The following DAB1 variants were observed in gnomAD, a reference collection of about 807,000 sequenced individuals.
DAB1 encodes DAB adaptor protein 1, also known as disabled homolog 1.
Under a neutral mutation model 64.6 loss-of-function variants are expected in DAB1, and 15 were observed. The observed-to-expected ratio is 0.23, with a 90% CI of 0.16 to 0.36. The LOEUF (loss-of-function observed/expected upper bound fraction) is 0.36, where lower values mean the gene tolerates loss of function less well. Ranked by LOEUF, DAB1 falls within the 10% of genes least tolerant of loss-of-function variation. The pLI, the probability that DAB1 is intolerant of heterozygous loss-of-function variation, is 1.00. For synonymous variants in DAB1, 235 were observed against 251.9 expected, an observed-to-expected ratio of 0.93 and a Z score of 0.64; for missense variants, 596 against 706.7, an observed-to-expected ratio of 0.84 and a Z score of 1.78.
chr1:57,744,619 T>A (rs1648174097), intron 6 of DAB1, among the ~76,000 whole-genome samples: 2 of 151,874 alleles, frequency 1.3e-5, no homozygotes, highest in African/African-American at 2.4e-5. Flanking sequence ...ATATTGGGGG[T>A]CTGGATTCCG....
chr1:58,425,063 T>G (rs11800348), intron 3 of DAB1, among the ~76,000 whole-genome samples: 44,632 of 152,086 alleles, frequency 0.29, 7,028 homozygotes, highest in African/African-American at 0.36. Flanking sequence ...AGCCCCTCTG[T>G]TTTCAGATAT....
At chr1:57,841,678 C>T (rs1653056425) in intron 1 of DAB1, among the ~76,000 whole-genome samples, 1 of 152,218 alleles carries the variant, frequency 6.6e-6, no homozygotes, top group Non-Finnish European at 1.5e-5. Flanking sequence ...GCTGGAGTGG[C>T]TGGAATGCAG....
chr1:58,453,569 C>T (rs1478247044), intron 3 of DAB1, among the ~76,000 whole-genome samples: 2 of 152,102 alleles, frequency 1.3e-5, no homozygotes, highest in South Asian at 2.1e-4. Flanking sequence ...CCAGGTGGCC[C>T]GTGACCCGAG....
chr1:57,901,517 A>T (rs1485357007), intron 5 of DAB1, among the ~76,000 whole-genome samples: 1 of 151,984 alleles, frequency 6.6e-6, no homozygotes, highest in Non-Finnish European at 1.5e-5. Flanking sequence ...CTACACTAAT[A>T]ATAGCCCCTC....
At chr1:58,361,973 T>C (rs1011921970) in intron 3 of DAB1, among the ~76,000 whole-genome samples, 2 of 147,552 alleles carry the variant, frequency 1.4e-5, no homozygotes, top group East Asian at 4.2e-4. Flanking sequence ...CCAGCAATTC[T>C]CCTACCTCGG....
rs576799662 is a variant in DAB1 at position 56,996,242 on chromosome 1, A to T, written c.*1902T>A. ...TATTCAAATCAATTGTCTCAATGGA[A>T]ATTCTACTTTTCAAATCTAAAAACC... On this transcript the variant is annotated 3_prime_UTR_variant, in exon 15 of 15. Transcript: ENST00000371236. 2 of 152,334 alleles carry T rather than the reference A, an allele frequency of 1.3e-5. No individual in the cohort carries two copies. Among genetic ancestry groups the T allele is most frequent in the Non-Finnish European group, 2.9e-5 (2 of 68,032 alleles). The allele number at this position is 152,334 out of a possible 1,614,324, so 9.4% of individuals were successfully genotyped here.
intron 4 of DAB1, among the ~76,000 whole-genome samples, chr1:58,309,547 C>T (rs1662381568): frequency 6.6e-6 from 1 of 152,132 alleles, no homozygotes; most frequent in Non-Finnish European, 1.5e-5. Context: ...GTAACTTGTC[C>T]CAGATACATA....
chr1:57,333,018 C>T (rs1024320938), intron 1 of DAB1, among the ~76,000 whole-genome samples: 6 of 152,134 alleles, frequency 3.9e-5, no homozygotes, highest in Non-Finnish European at 7.4e-5. Flanking sequence ...TTTCCCATCC[C>T]GTAGATCCTA....
chr1:58,229,394 T>C (rs1046233318), intron 4 of DAB1, among the ~76,000 whole-genome samples: 2 of 152,198 alleles, frequency 1.3e-5, no homozygotes, highest in African/African-American at 2.4e-5. Context: ...TGGGAAGAGA[T>C]GCATTCACTC....
At chr1:57,769,772 G>A (rs181228614) in intron 6 of DAB1, among the ~76,000 whole-genome samples, 8 of 152,272 alleles carry the variant, frequency 5.3e-5, no homozygotes, top group Admixed American at 2.6e-4. Context: ...AAGAGTTCCC[G>A]TTTTGGGGTG....
In DAB1 at chr1:57,147,457, C is replaced by T. The variant is rs562140071; in HGVS notation, c.68-2028G>A. 6.6e-5 allele frequency among the ~76,000 whole-genome samples: 10 copies of T among 151,964 alleles called. No homozygotes were observed. The South Asian group carries it at 1.9e-3, about 28-fold the overall frequency. Reference sequence around the variant, plus strand: ...TTTCTTTTTGTTTTTTCCATGACACCCCTGCTGACTCCTCATATATTAAAG... The same window carrying T: ...TTTCTTTTTGTTTTTTCCATGACACTCCTGCTGACTCCTCATATATTAAAG... On this transcript the variant is annotated intron_variant, in intron 2 of 14. Coordinates refer to ENST00000371236, the MANE Select transcript of DAB1 (RefSeq NM_001365792.1).
At chr1:57,824,704 A>T (rs1205069857), downstream of DAB1, among the ~76,000 whole-genome samples, 1 of 152,168 alleles carries the variant, frequency 6.6e-6, no homozygotes, top group African/African-American at 2.4e-5. Context: ...GAAAACAAAT[A>T]TTTATTCCCT....
At chr1:57,878,077 A>T (rs1644081873) in intron 1 of DAB1, among the ~76,000 whole-genome samples, 1 of 152,234 alleles carries the variant, frequency 6.6e-6, no homozygotes, top group Admixed American at 6.5e-5. Context: ...CCTGTTGTAT[A>T]TAAAGCTCTG....
chr1:57,807,254 C>T (rs796831106), intron 6 of DAB1, among the ~76,000 whole-genome samples: 9 of 152,270 alleles, frequency 5.9e-5, no homozygotes, highest in African/African-American at 2.2e-4. Flanking sequence ...ACCTTATTTC[C>T]CTTTACCTCA....
At chr1:58,486,967 A>ACT (rs1420188436) in intron 3 of DAB1, among the ~76,000 whole-genome samples, 2 of 152,210 alleles carry the variant, frequency 1.3e-5, no homozygotes. Flanking sequence ...AGACATAGGA[A>ACT]GAGTCTGGAT....
intron 7 of DAB1, among the ~76,000 whole-genome samples, chr1:57,594,989 C>T (rs969669142): frequency 3.9e-5 from 6 of 152,118 alleles, no homozygotes; most frequent in African/African-American, 1.2e-4. Flanking sequence ...GGATTACAGG[C>T]GTGAGCCACC....
At chr1:58,453,240 C>T (rs528293923) in intron 3 of DAB1, among the ~76,000 whole-genome samples, 1 of 152,126 alleles carries the variant, frequency 6.6e-6, no homozygotes, top group East Asian at 1.9e-4. Flanking sequence ...GTGTGAAGCA[C>T]TCAAAGCAAA....
At chr1:57,349,921 C>T (rs958124368) in intron 1 of DAB1, among the ~76,000 whole-genome samples, 5 of 152,164 alleles carry the variant, frequency 3.3e-5, no homozygotes, top group African/African-American at 1.2e-4. Flanking sequence ...AGTGGCCATC[C>T]TGACATAGAC....
At chr1:57,568,010 A>G (rs1645144686) in intron 7 of DAB1, among the ~76,000 whole-genome samples, 1 of 152,216 alleles carries the variant, frequency 6.6e-6, no homozygotes, top group Non-Finnish European at 1.5e-5. Context: ...GCATCACGCT[A>G]CCTGACCTCA....
Sources: allele counts gnomAD v4.1 joint callset (sites outside exome capture counted in the v4.1 genomes callset), GRCh38; gene constraint gnomAD v4.1.1; transcripts MANE v1.5; gene names NCBI Gene and HGNC (gene_info 2026-07-23, HGNC 2026-07-21).